TXLNB: variants seen among roughly 807,000 people sequenced by gnomAD.
TXLNB encodes the protein beta-taxilin.
Under a neutral mutation model 57.4 loss-of-function variants are expected in TXLNB, and 37 were observed. The observed-to-expected ratio is 0.64, with a 90% CI of 0.50 to 0.85. The LOEUF is 0.85. TXLNB is among the 40% of genes least tolerant of loss of function. The pLI, the probability that TXLNB is intolerant of heterozygous loss-of-function variation, is 0.00. For synonymous variants in TXLNB, 302 were observed against 309.6 expected, an observed-to-expected ratio of 0.98 and a Z score of 0.26; for missense variants, 848 against 825.6, an observed-to-expected ratio of 1.03 and a Z score of -0.33.
At chr6:139,271,990 A>G (rs1748473474) in intron 3 of TXLNB, 1 of 152,282 alleles carries the variant, frequency 6.6e-6, no homozygotes, top group African/African-American at 2.4e-5. Flanking sequence ...GAGTCCTGAC[A>G]CGTGCCTCAG....
rs1049780716 is a variant in TXLNB, at chr6:139,291,927, G to T, written c.-21C>A. 6.6e-6 allele frequency: 1 copy of T among 152,432 alleles called. No individual in the cohort carries two copies. The highest frequency in any genetic ancestry group is 2.1e-4 in the South Asian group (1 of 4,844). The allele number at this position is 152,432 out of a possible 1,614,324, so 9.4% of individuals were successfully genotyped here. A position where few individuals can be genotyped will look rare whatever the true frequency, so the allele number is the denominator to read the frequency against. On this transcript the variant is annotated 5_prime_UTR_variant, in exon 1 of 10. Coordinates refer to ENST00000358430, the MANE Select transcript of TXLNB (RefSeq NM_153235.4). ...GAGTGTTTGTCATACTTACCAGAAG[G>T]CAAGAAGCTAAGCAAGAAGAGAGAG... is the stretch of plus-strand genomic sequence containing the variant.
At chr6:139,313,954 C>T in the TXLNB span, among the ~76,000 whole-genome samples, 5 of 152,154 alleles carry the variant, frequency 3.3e-5, no homozygotes, top group South Asian at 4.2e-4. Flanking sequence ...CAGGCACAGC[C>T]GACCAGCATT....
In TXLNB at chr6:139,242,979, A is replaced by G; in HGVS notation, c.1602T>C (p.Ala534=). The change falls in exon 10 of 10, where the codon GCT becomes GCC. Residue 534 remains alanine, a synonymous_variant. Coordinates refer to ENST00000358430, the MANE Select transcript of TXLNB (RefSeq NM_153235.4). ...QPEIGSSQES[A]DAALKEPEQP... is the part of the protein sequence containing the mutation. ...GCTCTGGCTCCTTGAGAGCGGCGTC[A>G]GCACTCTCCTGAGAACTGCCTATTT... The G allele has an allele frequency of 6.2e-7, 1 of 1,614,112 alleles. No individual in the cohort carries two copies. The highest frequency in any genetic ancestry group is 8.5e-7 in the Non-Finnish European group (1 of 1,180,030).
the TXLNB span, among the ~76,000 whole-genome samples, chr6:139,181,067 T>A: frequency 6.6e-6 from 1 of 152,238 alleles, no homozygotes; most frequent in Non-Finnish European, 1.5e-5. Context: ...AAAATTATCG[T>A]TCCGGTTTTA....
At chr6:139,282,999 T>G (rs1223563381) in intron 2 of TXLNB, 1 of 145,530 alleles carries the variant, frequency 6.9e-6, no homozygotes, top group Non-Finnish European at 1.5e-5. Flanking sequence ...GAGAGATACC[T>G]CTGAGCCTGG....
intron 4 of TXLNB, among the ~76,000 whole-genome samples, chr6:139,265,464 G>A (rs562451954): frequency 3.9e-5 from 6 of 152,100 alleles, no homozygotes; most frequent in Admixed American, 2.0e-4. Context: ...GTGTGTGTGC[G>A]TTTGACTCAT....
At chr6:139,252,434 G>A (rs1776231184) in intron 7 of TXLNB, among the ~76,000 whole-genome samples, 1 of 152,164 alleles carries the variant, frequency 6.6e-6, no homozygotes, top group East Asian at 1.9e-4. Flanking sequence ...TAGGGATTCA[G>A]GACCTCTATT....
At chr6:139,313,364 G>A in the TXLNB span, among the ~76,000 whole-genome samples, 362 of 152,172 alleles carry the variant, frequency 2.4e-3, 5 homozygotes, top group East Asian at 0.016. Flanking sequence ...GAGCCGCTGC[G>A]CCCGGCCTGT....
the TXLNB span, among the ~76,000 whole-genome samples, chr6:139,228,694 C>T: frequency 6.6e-6 from 1 of 152,038 alleles, no homozygotes; most frequent in Non-Finnish European, 1.5e-5. Context: ...AGAATTACAG[C>T]AGAAAAAAAC....
chr6:139,166,302 C>T, the TXLNB span: 1 of 1,608,406 alleles, frequency 6.2e-7, no homozygotes, highest in Non-Finnish European at 8.5e-7. Context: ...TGTGCCACTC[C>T]CCTGATCTGC....
At chr6:139,223,020 G>A in the TXLNB span, among the ~76,000 whole-genome samples, 2 of 152,150 alleles carry the variant, frequency 1.3e-5, no homozygotes, top group African/African-American at 4.8e-5. Flanking sequence ...ATAGAACACT[G>A]CCTGCACTCA....
At position 139,242,606 on chromosome 6, in the gene TXLNB, C is replaced by A. The variant is rs755487673; in HGVS notation, c.1975G>T (p.Ala659Ser). ...GAGGCCCCTACTGGCAGCTCCTCTGCTGCTGCTCGTGGGGGCTGCCTACTG... is the reference window on the plus strand; with the variant it reads ...GAGGCCCCTACTGGCAGCTCCTCTGATGCTGCTCGTGGGGGCTGCCTACTG... ...EPSRQPPRAA[A>S]EELPVGASAG... The change falls in exon 10 of 10, where the codon GCA becomes TCA. Residue 659 changes from alanine (A) to serine (S), a missense_variant. Ala to Ser is a moderately conservative substitution (Grantham distance 99, BLOSUM62 1). Coordinates refer to ENST00000358430, the MANE Select transcript of TXLNB (RefSeq NM_153235.4). 2 of 1,583,478 alleles carry A rather than the reference C, an allele frequency of 1.3e-6. No homozygotes were observed. Among genetic ancestry groups the A allele is most frequent in the Non-Finnish European group, 8.6e-7 (1 of 1,166,088 alleles).
At chr6:139,163,081 T>A in the TXLNB span, among the ~76,000 whole-genome samples, 2 of 152,218 alleles carry the variant, frequency 1.3e-5, no homozygotes, top group African/African-American at 4.8e-5. Flanking sequence ...AGTGCCTGGC[T>A]CACTGCTCAT....
chr6:139,277,224 T>G (rs1048125147), intron 2 of TXLNB: 40 of 239,294 alleles, frequency 1.7e-4, no homozygotes, highest in Non-Finnish European at 2.9e-4. Context: ...CCTCCCTGTA[T>G]TCTTCAGAAT....
At chr6:139,293,248 C>T (rs1347661228), upstream of TXLNB, among the ~76,000 whole-genome samples, 1 of 152,152 alleles carries the variant, frequency 6.6e-6, no homozygotes, top group Admixed American at 6.5e-5. Flanking sequence ...CCTGCCACCA[C>T]ATCCAGCTAA....
chr6:139,189,263 A>G, the TXLNB span, among the ~76,000 whole-genome samples: 1 of 152,214 alleles, frequency 6.6e-6, no homozygotes, highest in Non-Finnish European at 1.5e-5. Context: ...GATGTTTTTC[A>G]TGTTGCATGT....
chr6:139,159,833 C>T, the TXLNB span, among the ~76,000 whole-genome samples: 1 of 152,242 alleles, frequency 6.6e-6, no homozygotes, highest in Admixed American at 6.5e-5. Flanking sequence ...TCCTTACCTT[C>T]ATTCCACCCA....
intron 1 of TXLNB, among the ~76,000 whole-genome samples, chr6:139,289,590 A>G (rs1434158616): frequency 6.6e-6 from 1 of 152,200 alleles, no homozygotes; most frequent in Non-Finnish European, 1.5e-5. Flanking sequence ...CACTGCTGGC[A>G]TATTTTTGGT....
chr6:139,193,142 T>C, the TXLNB span, among the ~76,000 whole-genome samples: 1 of 151,864 alleles, frequency 6.6e-6, no homozygotes, highest in East Asian at 1.9e-4. Context: ...GTTTTCCTCC[T>C]AACTTACTGG....
Sources: allele counts gnomAD v4.1 joint callset (sites outside exome capture counted in the v4.1 genomes callset), GRCh38; gene constraint gnomAD v4.1.1; transcripts MANE v1.5; gene names NCBI Gene and HGNC (gene_info 2026-07-23, HGNC 2026-07-21).